Variants in DAPK1 observed in about 807,000 individuals in gnomAD.
DAPK1 encodes the protein death-associated protein kinase 1.
A neutral mutation model predicts 144.9 loss-of-function variants in DAPK1; 56 were observed. That is an observed-to-expected ratio of 0.39 (90% confidence interval 0.31 to 0.48). The LOEUF is 0.48. DAPK1 is among the 20% of genes least tolerant of loss of function. DAPK1 has a pLI of 0.95. For missense variants in DAPK1, 1,454 were observed against 1,875.4 expected (o/e 0.78, Z 4.15); for synonymous variants, 690 against 749.0 (o/e 0.92, Z 1.29).
intron 2 of DAPK1, among the ~76,000 whole-genome samples, chr9:87,585,183 C>T (rs1041801630): frequency 6.6e-6 from 1 of 152,118 alleles, no homozygotes; most frequent in Non-Finnish European, 1.5e-5. Context: ...GAAACTTTTT[C>T]GTTTGATGTA....
At position 87,547,509 on chromosome 9, in the gene DAPK1, A is replaced by G. The variant is rs1248133213; in HGVS notation, c.62+48370A>G. Among the ~76,000 whole-genome samples the G allele has an allele frequency of 2.6e-5, 4 of 152,296 alleles. No individual in the cohort carries two copies. The East Asian group carries it at 5.8e-4, about 22-fold the overall frequency. ...GTGGACTTTAGTTAATTTAAGACTA[A>G]TTTAAATAGCTACATGTATTAGGAT... On this transcript the variant is annotated intron_variant, in intron 2 of 25. Coordinates refer to ENST00000408954, the MANE Select transcript of DAPK1 (RefSeq NM_004938.4).
chr9:87,500,178 A>G (rs1297097720), intron 2 of DAPK1, among the ~76,000 whole-genome samples: 1 of 152,204 alleles, frequency 6.6e-6, no homozygotes, highest in Non-Finnish European at 1.5e-5. Flanking sequence ...AAGCTTAACT[A>G]AATTTTTTTA....
chr9:87,537,686 G>C (rs1184123009), intron 2 of DAPK1, among the ~76,000 whole-genome samples: 1 of 152,148 alleles, frequency 6.6e-6, no homozygotes, highest in Non-Finnish European at 1.5e-5. Flanking sequence ...GAGCATTCGA[G>C]AATGCCAGCG....
At chr9:87,547,760 A>C (rs2118529551) in intron 2 of DAPK1, among the ~76,000 whole-genome samples, 1 of 152,232 alleles carries the variant, frequency 6.6e-6, no homozygotes, top group African/African-American at 2.4e-5. Context: ...TCTGAAGGCC[A>C]TCTGCTGGCA....
chr9:87,556,888 G>A (rs1185474391), intron 2 of DAPK1, among the ~76,000 whole-genome samples: 1 of 152,194 alleles, frequency 6.6e-6, no homozygotes, highest in Non-Finnish European at 1.5e-5. Flanking sequence ...GGCCTCCTGG[G>A]CTGCCTTGGG....
intron 3 of DAPK1, among the ~76,000 whole-genome samples, chr9:87,623,151 T>C (rs879738617): frequency 3.3e-5 from 5 of 152,112 alleles, no homozygotes; most frequent in Non-Finnish European, 5.9e-5. Context: ...AACAGCTGAG[T>C]AAAGTGGTCT....
intron 2 of DAPK1, among the ~76,000 whole-genome samples, chr9:87,589,534 G>A (rs1204964969): frequency 7.0e-6 from 1 of 142,148 alleles, no homozygotes; most frequent in South Asian, 2.5e-4. Context: ...CACTAGACAG[G>A]TCAGCTAGCA....
chr9:87,517,932 G>A (rs1006223973), intron 2 of DAPK1, among the ~76,000 whole-genome samples: 3 of 152,036 alleles, frequency 2.0e-5, no homozygotes, highest in Admixed American at 1.3e-4. Context: ...GTGGTTGACC[G>A]CATTTCTACT....
chr9:87,528,363 G>A (rs1275954334), intron 2 of DAPK1, among the ~76,000 whole-genome samples: 4 of 151,914 alleles, frequency 2.6e-5, no homozygotes, highest in Non-Finnish European at 5.9e-5. Context: ...GATTACAGGT[G>A]TGCATCACCA....
At chr9:87,697,275 C>A in intron 22 of DAPK1, 71 bp downstream of exon 22, 1 of 745,464 alleles carries the variant, frequency 1.3e-6, no homozygotes, top group Non-Finnish European at 2.4e-6. Flanking sequence ...TCCTTCCAGG[C>A]TTCTGCCCTG....
intron 21 of DAPK1, among the ~76,000 whole-genome samples, chr9:87,692,725 T>C (rs1377936342): frequency 6.6e-6 from 1 of 152,084 alleles, no homozygotes; most frequent in Non-Finnish European, 1.5e-5. Context: ...GCATTGTTTA[T>C]AGATTTGATC....
intron 3 of DAPK1, among the ~76,000 whole-genome samples, chr9:87,627,650 C>T (rs909587751): frequency 6.6e-6 from 1 of 152,170 alleles, no homozygotes; most frequent in Non-Finnish European, 1.5e-5. Context: ...CCAACCTCTT[C>T]CCCAGATTTT....
chr9:87,685,153 T>C (rs2065324318), intron 20 of DAPK1, among the ~76,000 whole-genome samples: 1 of 152,256 alleles, frequency 6.6e-6, no homozygotes, highest in African/African-American at 2.4e-5. Flanking sequence ...TTTTGTTTTC[T>C]ATTTACATTC....
chr9:87,625,572 A>T (rs966025322), intron 3 of DAPK1, among the ~76,000 whole-genome samples: 3 of 152,162 alleles, frequency 2.0e-5, no homozygotes, highest in African/African-American at 7.2e-5. Flanking sequence ...CCCAGTGTAG[A>T]GACTTGCAGG....
At chr9:87,587,541 G>C (rs1034492944) in intron 2 of DAPK1, among the ~76,000 whole-genome samples, 2 of 152,090 alleles carry the variant, frequency 1.3e-5, no homozygotes, top group Non-Finnish European at 2.9e-5. Context: ...ATTATCCCAG[G>C]GTGAGGTTAC....
intron 2 of DAPK1, among the ~76,000 whole-genome samples, chr9:87,551,808 G>C (rs959871991): frequency 5.3e-5 from 8 of 152,186 alleles, no homozygotes; most frequent in African/African-American, 1.9e-4. Context: ...TCACCGTAGA[G>C]CCCAGGAGGA....
At chr9:87,507,960 C>T (rs1455184699) in intron 2 of DAPK1, among the ~76,000 whole-genome samples, 3 of 152,158 alleles carry the variant, frequency 2.0e-5, no homozygotes, top group African/African-American at 7.2e-5. Flanking sequence ...AACTACTTTT[C>T]ATTGTTGAAT....
intron 19 of DAPK1, among the ~76,000 whole-genome samples, chr9:87,680,087 A>AATTT (rs58756761): frequency 0.027 from 4,095 of 150,892 alleles, 78 homozygotes; most frequent in African/African-American, 0.053. Context: ...AATATTTTAA[A>AATTT]ATTTATTTAT....
intron 2 of DAPK1, among the ~76,000 whole-genome samples, chr9:87,530,033 C>T (rs937025010): frequency 7.9e-5 from 12 of 152,132 alleles, no homozygotes; most frequent in African/African-American, 2.7e-4. Context: ...TCTGTGCAGA[C>T]GAAATGAGAG....
Sources: allele counts gnomAD v4.1 joint callset (sites outside exome capture counted in the v4.1 genomes callset), GRCh38; gene constraint gnomAD v4.1.1; transcripts MANE v1.5; gene names NCBI Gene and HGNC (gene_info 2026-07-23, HGNC 2026-07-21).